Variants in LINGO2 observed in about 807,000 individuals in gnomAD.
The protein encoded by LINGO2 is leucine rich repeat and Ig domain containing 2, also known as leucine-rich repeat and immunoglobulin-like domain-containing nogo receptor-interacting protein 2.
LINGO2 carries 14 observed loss-of-function variants against 30.6 expected under a neutral mutation model. The observed-to-expected ratio is 0.46, with a 90% CI of 0.30 to 0.72. The LOEUF (loss-of-function observed/expected upper bound fraction) is 0.72, where lower values mean the gene tolerates loss of function less well. Ranked by LOEUF, LINGO2 falls within the 30% of genes least tolerant of loss-of-function variation. The probability of loss-of-function intolerance (pLI) is 0.07; values close to 1 mark genes in which losing one functional copy is unlikely to be tolerated. For synonymous variants in LINGO2, 317 were observed against 288.5 expected (o/e 1.10, Z -1.00); for missense variants, 729 against 751.7 (o/e 0.97, Z 0.35).
the LINGO2 span, among the ~76,000 whole-genome samples, chr9:28,820,163 T>TA: frequency 6.6e-6 from 1 of 151,570 alleles, no homozygotes; most frequent in East Asian, 1.9e-4. Flanking sequence ...AGTAATATAT[T>TA]ACCAAAATGA....
chr9:28,406,917 T>C (rs1479499135), intron 2 of LINGO2, among the ~76,000 whole-genome samples: 1 of 152,188 alleles, frequency 6.6e-6, no homozygotes, highest in Non-Finnish European at 1.5e-5. Flanking sequence ...ATGATGATTC[T>C]ATAGTCCAGA....
chr9:28,793,153 G>A, the LINGO2 span, among the ~76,000 whole-genome samples: 1 of 152,036 alleles, frequency 6.6e-6, no homozygotes, highest in Non-Finnish European at 1.5e-5. Flanking sequence ...TTAATAAAAA[G>A]ACAAGAGACA....
chr9:28,304,248 G>GTATATA (rs143008292), intron 3 of LINGO2, among the ~76,000 whole-genome samples: 1 of 148,898 alleles, frequency 6.7e-6, no homozygotes, highest in African/African-American at 2.5e-5. Flanking sequence ...AATTTAAAAT[G>GTATATA]TATATATATA....
At chr9:28,927,596 G>C in the LINGO2 span, among the ~76,000 whole-genome samples, 1 of 152,132 alleles carries the variant, frequency 6.6e-6, no homozygotes, top group Non-Finnish European at 1.5e-5. Context: ...CAGGACTGCT[G>C]TAAGGATTAT....
the LINGO2 span, among the ~76,000 whole-genome samples, chr9:29,003,741 C>A: frequency 6.6e-6 from 1 of 151,910 alleles, no homozygotes; most frequent in African/African-American, 2.4e-5. Context: ...AATCGCCAAG[C>A]CTTTGTCTTA....
the LINGO2 span, among the ~76,000 whole-genome samples, chr9:28,917,474 A>G: frequency 1.3e-5 from 2 of 151,664 alleles, no homozygotes; most frequent in Non-Finnish European, 2.9e-5. Flanking sequence ...TTTGGTGAGA[A>G]GGAGTTTTGC....
intron 4 of LINGO2, among the ~76,000 whole-genome samples, chr9:28,018,593 C>A (rs1822957587): frequency 6.6e-6 from 1 of 151,986 alleles, no homozygotes; most frequent in Non-Finnish European, 1.5e-5. Context: ...TGAAAAAAAT[C>A]CTCAGCATCG....
At chr9:28,682,356 T>A in the LINGO2 span, among the ~76,000 whole-genome samples, 1 of 152,144 alleles carries the variant, frequency 6.6e-6, no homozygotes, top group Non-Finnish European at 1.5e-5. Flanking sequence ...TGCATATCTG[T>A]GGCCTTGTCA....
intron 4 of LINGO2, among the ~76,000 whole-genome samples, chr9:28,190,797 G>A (rs1819797264): frequency 6.6e-6 from 1 of 152,138 alleles, no homozygotes; most frequent in African/African-American, 2.4e-5. Flanking sequence ...AGGAGTTGGG[G>A]AAGGTCAAGC....
chr9:28,457,101 C>G (rs970006501), intron 2 of LINGO2, among the ~76,000 whole-genome samples: 1 of 152,012 alleles, frequency 6.6e-6, no homozygotes, highest in Admixed American at 6.6e-5. Flanking sequence ...ATTCCAGAAG[C>G]AAGACAGTCA....
intron 4 of LINGO2, among the ~76,000 whole-genome samples, chr9:28,285,727 C>G (rs1823484513): frequency 6.6e-6 from 1 of 152,066 alleles, no homozygotes; most frequent in Non-Finnish European, 1.5e-5. Context: ...TAATTAGTGT[C>G]AGAGCTATGA....
At chr9:28,793,197 T>G in the LINGO2 span, among the ~76,000 whole-genome samples, 1 of 152,154 alleles carries the variant, frequency 6.6e-6, no homozygotes, top group African/African-American at 2.4e-5. Flanking sequence ...GTATTACTGA[T>G]GAGGAAAAAG....
intron 4 of LINGO2, among the ~76,000 whole-genome samples, chr9:28,235,312 T>C (rs1461736560): frequency 6.6e-6 from 1 of 152,258 alleles, no homozygotes; most frequent in Admixed American, 6.5e-5. Flanking sequence ...AACCACAGTA[T>C]TATTTGTTTT....
chr9:28,605,621 A>G (rs1484829700), intron 1 of LINGO2, among the ~76,000 whole-genome samples: 1 of 152,024 alleles, frequency 6.6e-6, no homozygotes, highest in Non-Finnish European at 1.5e-5. Flanking sequence ...GCAAATAACA[A>G]TCTCAAGCGT....
At chr9:28,608,309 A>T (rs1720349410) in intron 1 of LINGO2, among the ~76,000 whole-genome samples, 1 of 151,992 alleles carries the variant, frequency 6.6e-6, no homozygotes, top group African/African-American at 2.4e-5. Context: ...TTTATTAAAA[A>T]TAAATTTCTT....
the LINGO2 span, among the ~76,000 whole-genome samples, chr9:28,869,045 A>G: frequency 6.6e-6 from 1 of 152,124 alleles, no homozygotes; most frequent in African/African-American, 2.4e-5. Flanking sequence ...TAAATGATAT[A>G]CTTATTAAAT....
rs190039767 is a variant in LINGO2, at chr9:28,465,307, T to C, written c.-279+10633A>G. Among the ~76,000 whole-genome samples the C allele has an allele frequency of 9.2e-5, 14 of 152,202 alleles. 1 individual carries two copies. Among genetic ancestry groups the C allele is most frequent in the Non-Finnish European group, 1.6e-4 (11 of 67,986 alleles). On this transcript the variant is annotated intron_variant, in intron 2 of 5. Coordinates refer to ENST00000379992, the Ensembl canonical transcript of LINGO2. ...GTAGGATGGAAAGCTGGCAAGGGGA[T>C]AAAGTGGGAAGGCGGCCTAACCATC...
At chr9:28,317,210 G>A (rs1353788201) in intron 3 of LINGO2, among the ~76,000 whole-genome samples, 3 of 152,060 alleles carry the variant, frequency 2.0e-5, no homozygotes, top group African/African-American at 7.3e-5. Flanking sequence ...AGCATGTGAT[G>A]CATTTTGTCA....
At chr9:28,691,868 A>G in the LINGO2 span, among the ~76,000 whole-genome samples, 2 of 152,184 alleles carry the variant, frequency 1.3e-5, no homozygotes, top group African/African-American at 4.8e-5. Context: ...ACATAAATAT[A>G]GCAATTTCTG....
Sources: allele counts gnomAD v4.1 joint callset (sites outside exome capture counted in the v4.1 genomes callset), GRCh38; gene constraint gnomAD v4.1.1; transcripts MANE v1.5; gene names NCBI Gene and HGNC (gene_info 2026-07-23, HGNC 2026-07-21).